The following C8orf34 variants were observed in gnomAD, a reference collection of about 807,000 sequenced individuals.
C8orf34 encodes chromosome 8 open reading frame 34.
Under a neutral mutation model 68.3 loss-of-function variants are expected in C8orf34, and 65 were observed. The observed-to-expected ratio is 0.95, with a 90% CI of 0.78 to 1.17. The LOEUF (loss-of-function observed/expected upper bound fraction) is 1.17. Among genes scored for constraint, C8orf34 ranks in the 50% most tolerant of loss-of-function variants. The pLI, the probability that C8orf34 is intolerant of heterozygous loss-of-function variation, is 0.00. For synonymous variants in C8orf34, 244 were observed against 241.2 expected (o/e 1.01, Z -0.11); for missense variants, 664 against 655.4 (o/e 1.01, Z -0.14).
At chr8:68,690,804 C>T (rs1210408509) in intron 8 of C8orf34, among the ~76,000 whole-genome samples, 2 of 152,016 alleles carry the variant, frequency 1.3e-5, no homozygotes, top group African/African-American at 2.4e-5. Flanking sequence ...AATGCTTTTA[C>T]GTTAGCTTGA....
Position 68,350,552 on chromosome 8 carries a change from T to C in C8orf34, c.327+19213T>C, listed in dbSNP as rs184293659. Among the ~76,000 whole-genome samples, 284 of 152,144 alleles carry C rather than the reference T, an allele frequency of 1.9e-3. 1 individual carries two copies. Among genetic ancestry groups the C allele is most frequent in the African/African-American group, 6.6e-3 (275 of 41,532 alleles). On this transcript the variant is annotated intron_variant, in intron 1 of 13. Transcript: ENST00000518698. ...GGAGTGCTGAAGTCTCCCACTATTA[T>C]TGTGTGGGAGCCTATGTCTCCTTGT...
At chr8:68,454,500 C>T (rs1408643094) in intron 3 of C8orf34, among the ~76,000 whole-genome samples, 2 of 151,976 alleles carry the variant, frequency 1.3e-5, no homozygotes, top group Non-Finnish European at 2.9e-5. Flanking sequence ...TGGTAGTTTG[C>T]ATGTTTCTAG....
At chr8:68,438,212 G>A (rs1382938609) in intron 1 of C8orf34, 2 of 152,162 alleles carry the variant, frequency 1.3e-5, no homozygotes, top group Admixed American at 6.6e-5. Context: ...ATCAAACTAA[G>A]AAAGTCTTTT....
chr8:68,606,195 GA>G (rs1817848372), intron 7 of C8orf34, among the ~76,000 whole-genome samples: 3 of 152,062 alleles, frequency 2.0e-5, no homozygotes, highest in Admixed American at 2.0e-4. Context: ...TATACATTAA[GA>G]AAAATCTAGG....
At chr8:68,663,929 A>T (rs575368825) in intron 8 of C8orf34, among the ~76,000 whole-genome samples, 1 of 152,340 alleles carries the variant, frequency 6.6e-6, no homozygotes, top group African/African-American at 2.4e-5. Context: ...TCAGCCCACA[A>T]ATTGAGAAGA....
intron 7 of C8orf34, among the ~76,000 whole-genome samples, chr8:68,539,650 G>A (rs1458174762): frequency 4.6e-5 from 7 of 152,088 alleles, no homozygotes; most frequent in African/African-American, 1.4e-4. Context: ...TCAGGAGTTC[G>A]AGACCAGCCT....
chr8:68,710,196 G>A (rs537491924), intron 9 of C8orf34, among the ~76,000 whole-genome samples: 64 of 151,966 alleles, frequency 4.2e-4, no homozygotes, highest in Non-Finnish European at 5.9e-4. Context: ...TTTGCTCCAA[G>A]AAGTACCGCA....
At chr8:68,528,493 G>T (rs1815108055) in intron 6 of C8orf34, among the ~76,000 whole-genome samples, 1 of 152,058 alleles carries the variant, frequency 6.6e-6, no homozygotes, top group Non-Finnish European at 1.5e-5. Flanking sequence ...TTGTCCCTTG[G>T]ATATGCCCTC....
At chr8:68,680,874 G>C (rs1472103874) in intron 8 of C8orf34, among the ~76,000 whole-genome samples, 2 of 152,042 alleles carry the variant, frequency 1.3e-5, no homozygotes, top group South Asian at 4.2e-4. Flanking sequence ...GGAGACCAGG[G>C]CGTATCTCAG....
intron 7 of C8orf34, among the ~76,000 whole-genome samples, chr8:68,601,958 A>G (rs1255815450): frequency 6.6e-6 from 1 of 151,874 alleles, no homozygotes; most frequent in East Asian, 1.9e-4. Flanking sequence ...AAACTAGAGC[A>G]CTCTCTCACA....
intron 1 of C8orf34, among the ~76,000 whole-genome samples, chr8:68,422,154 A>G (rs1810007511): frequency 6.6e-6 from 1 of 152,212 alleles, no homozygotes; most frequent in Non-Finnish European, 1.5e-5. Context: ...TCACATTTCA[A>G]AACACAATCA....
At chr8:68,423,547 G>C (rs1241134678) in intron 1 of C8orf34, among the ~76,000 whole-genome samples, 1 of 152,120 alleles carries the variant, frequency 6.6e-6, no homozygotes, top group Non-Finnish European at 1.5e-5. Context: ...GAGCCACCAA[G>C]TCTCTAGGAA....
intron 11 of C8orf34, among the ~76,000 whole-genome samples, chr8:68,782,812 C>G (rs1444905573): frequency 6.6e-6 from 1 of 152,006 alleles, no homozygotes; most frequent in African/African-American, 2.4e-5. Context: ...AATCCCATCA[C>G]TTTAGGAGGC....
Position 68,746,187 on chromosome 8 carries a change from T to C in C8orf34, c.1404+24750T>C, listed in dbSNP as rs200504723. 1.9e-3 allele frequency among the ~76,000 whole-genome samples: 287 copies of C among 152,120 alleles called. 2 individuals are homozygous for C. In the East Asian group the frequency reaches 0.037, roughly 20 times the overall value. The stretch of plus-strand genomic sequence containing the variant: ...AAATAAAGATGTTCTTTGAAACCAA[T>C]GAGAACAAACACACAACATACCAGA... On this transcript the variant is annotated intron_variant, in intron 10 of 13. Coordinates refer to ENST00000518698, the MANE Select transcript of C8orf34 (RefSeq NM_052958.4).
Position 68,576,141 on chromosome 8 carries a change from T to TACACAC in C8orf34, c.1105+43006_1105+43011dup, listed in dbSNP as rs112048534. 2.9e-3 allele frequency among the ~76,000 whole-genome samples: 433 copies of TACACAC among 149,228 alleles called. 1 individual carries two copies. The highest frequency in any genetic ancestry group is 9.6e-3 in the African/African-American group (389 of 40,686). On this transcript the variant is annotated intron_variant, in intron 7 of 13. Coordinates refer to ENST00000518698, the MANE Select transcript of C8orf34 (RefSeq NM_052958.4). ...CTTACCACCAATTAAATATTCTTTT[T>TACACAC]ACACACACACACACACACATACACA... is the stretch of plus-strand genomic sequence containing the variant.
intron 1 of C8orf34, among the ~76,000 whole-genome samples, chr8:68,365,147 A>G (rs1275920370): frequency 7.1e-6 from 1 of 141,424 alleles, no homozygotes; most frequent in Non-Finnish European, 1.5e-5. Context: ...AAAATCTAGA[A>G]GAAATGGATA....
chr8:68,594,495 T>A (rs997090180), intron 7 of C8orf34, among the ~76,000 whole-genome samples: 4 of 152,148 alleles, frequency 2.6e-5, no homozygotes, highest in Non-Finnish European at 5.9e-5. Flanking sequence ...ATTTGTTACA[T>A]GCATATATTA....
intron 3 of C8orf34, among the ~76,000 whole-genome samples, chr8:68,467,678 G>C (rs1250996571): frequency 6.6e-6 from 1 of 151,926 alleles, no homozygotes; most frequent in African/African-American, 2.4e-5. Flanking sequence ...AGCAACTCCA[G>C]TAGGAGCTTT....
At chr8:68,792,571 C>CAAAAAAAAAAAAAAAAAAAAAAAAAAAA (rs1162293308) in intron 12 of C8orf34, 1 of 42,296 alleles carries the variant, frequency 2.4e-5, no homozygotes, top group African/African-American at 7.0e-5. Flanking sequence ...GACTCCATCT[C>CAAAAAAAAAAAAAAAAAAAAAAAAAAAA]AAAAAAAAAA....
Sources: gnomAD v4.1 joint callset for allele counts (sites outside exome capture counted in the v4.1 genomes callset) on GRCh38, gnomAD v4.1.1 for gene constraint, MANE v1.5 for transcripts, NCBI Gene and HGNC (gene_info 2026-07-23, HGNC 2026-07-21) for gene names.